Variants in RUNX2 observed in about 807,000 individuals in gnomAD.
RUNX2 encodes the protein RUNX family transcription factor 2.
In RUNX2, 10 loss-of-function variants were observed where a neutral mutation model predicts 51.7. The ratio of observed to expected loss-of-function variants is 0.19; its 90% CI spans 0.12 to 0.33. The LOEUF is 0.33. Ranked by LOEUF, RUNX2 falls within the 10% of genes least tolerant of loss-of-function variation. RUNX2 has a pLI of 1.00. For synonymous variants in RUNX2, 276 were observed against 273.6 expected (o/e 1.01, Z -0.09); for missense variants, 562 against 691.3 (o/e 0.81, Z 2.10).
intron 2 of RUNX2, among the ~76,000 whole-genome samples, chr6:45,382,660 G>A (rs1192433706): frequency 6.6e-6 from 1 of 152,198 alleles, no homozygotes; most frequent in Non-Finnish European, 1.5e-5. Flanking sequence ...TGTGATATGA[G>A]GTCAGAGAAG....
intron 2 of RUNX2, among the ~76,000 whole-genome samples, chr6:45,420,080 G>A (rs936297346): frequency 6.6e-6 from 1 of 152,114 alleles, no homozygotes; most frequent in South Asian, 2.1e-4. Flanking sequence ...GAAGGACAGA[G>A]TAGTATCCCC....
intron 5 of RUNX2, among the ~76,000 whole-genome samples, chr6:45,465,780 C>T (rs1799612024): frequency 6.6e-6 from 1 of 151,116 alleles, no homozygotes; most frequent in Non-Finnish European, 1.5e-5. Flanking sequence ...GGACTACAGG[C>T]ACATACCACC....
chr6:45,468,710 G>T lies in RUNX2; in HGVS notation c.686-23231G>T, dbSNP rs150357069. 9.6e-4 allele frequency among the ~76,000 whole-genome samples: 146 copies of T among 152,186 alleles called. 2 individuals carry two copies. In the East Asian group the frequency reaches 0.023, roughly 24 times the overall value. Reference sequence around the variant, plus strand: ...TAACCAGATTTTTTTTCACCTACTTGAATGTCTGGTGTATGTCCCAAAAGT... The same window carrying T: ...TAACCAGATTTTTTTTCACCTACTTTAATGTCTGGTGTATGTCCCAAAAGT... On this transcript the variant is annotated intron_variant, in intron 5 of 8. Coordinates refer to ENST00000647337, the MANE Select transcript of RUNX2 (RefSeq NM_001024630.4).
chr6:45,345,630 C>T (rs765623668), intron 2 of RUNX2, among the ~76,000 whole-genome samples: 6 of 152,178 alleles, frequency 3.9e-5, no homozygotes, highest in Non-Finnish European at 8.8e-5. Context: ...ATATCACTTA[C>T]ACTTGCTTGC....
chr6:45,507,267 A>G (rs1563116154), intron 6 of RUNX2, among the ~76,000 whole-genome samples: 1 of 152,110 alleles, frequency 6.6e-6, no homozygotes, highest in Non-Finnish European at 1.5e-5. Context: ...GGCTGAGATA[A>G]AGACAGTTTC....
chr6:45,493,452 A>G (rs1800546679), intron 6 of RUNX2, among the ~76,000 whole-genome samples: 1 of 152,132 alleles, frequency 6.6e-6, no homozygotes. Context: ...GCTTGTAGCT[A>G]TGGGTGCTGC....
chr6:45,431,796 G>T (rs2150368119), intron 3 of RUNX2, 67 bp from the exon 4 acceptor site: 1 of 1,540,072 alleles, frequency 6.5e-7, no homozygotes, highest in Middle Eastern at 1.9e-4. Context: ...TTTGCAATGA[G>T]AATATATTCT....
intron 2 of RUNX2, among the ~76,000 whole-genome samples, chr6:45,380,453 G>GT (rs1797212600): frequency 6.6e-6 from 1 of 152,242 alleles, no homozygotes; most frequent in Non-Finnish European, 1.5e-5. Context: ...GAAAGTGCAT[G>GT]TATCTAAGTA....
chr6:45,458,934 G>A (rs915378284), intron 5 of RUNX2, among the ~76,000 whole-genome samples: 8 of 152,194 alleles, frequency 5.3e-5, no homozygotes, highest in African/African-American at 1.4e-4. Flanking sequence ...ACAGAAATGC[G>A]TAGCTGTATT....
At chr6:45,349,542 C>G (rs537493581) in intron 2 of RUNX2, among the ~76,000 whole-genome samples, 2 of 152,256 alleles carry the variant, frequency 1.3e-5, no homozygotes, top group African/African-American at 4.8e-5. Context: ...ATCAGAAAGG[C>G]TGGAGGTGAG....
At chr6:45,399,567 T>C (rs889588801) in intron 2 of RUNX2, among the ~76,000 whole-genome samples, 1 of 151,372 alleles carries the variant, frequency 6.6e-6, no homozygotes, top group Non-Finnish European at 1.5e-5. Context: ...ACCATGTTGG[T>C]CAGGGTAGTC....
chr6:45,531,338 C>T (rs1801833807), intron 7 of RUNX2, among the ~76,000 whole-genome samples: 1 of 151,946 alleles, frequency 6.6e-6, no homozygotes, highest in Non-Finnish European at 1.5e-5. Flanking sequence ...TCAGAGAACC[C>T]AAAATAAAGT....
chr6:45,516,757 G>T (rs1448645701), intron 7 of RUNX2, among the ~76,000 whole-genome samples: 1 of 152,216 alleles, frequency 6.6e-6, no homozygotes, highest in Non-Finnish European at 1.5e-5. Context: ...GATCTTCAAA[G>T]CACTTGTGAG....
intron 3 of RUNX2, among the ~76,000 whole-genome samples, chr6:45,425,958 G>T (rs1480388596): frequency 6.6e-6 from 1 of 152,006 alleles, no homozygotes; most frequent in Non-Finnish European, 1.5e-5. Context: ...AATATTTATT[G>T]AGCCCGTATT....
Position 45,507,786 on chromosome 6 carries a change from C to T in RUNX2, c.860-4460C>T, listed in dbSNP as rs373748264. On this transcript the variant is annotated intron_variant, in intron 6 of 8. Coordinates refer to ENST00000647337, the MANE Select transcript of RUNX2 (RefSeq NM_001024630.4). ...TATATGCTCCAAATTGTGAACTACA[C>T]GGTACAGGAAGCTCTCCTAAAAATT... is the stretch of plus-strand genomic sequence containing the variant. Among the ~76,000 whole-genome samples, 82 of 152,234 alleles carry T rather than the reference C, an allele frequency of 5.4e-4. 1 individual carries two copies. The South Asian group carries it at 0.014, about 27-fold the overall frequency.
chr6:45,410,548 A>G (rs143811351), intron 2 of RUNX2, among the ~76,000 whole-genome samples: 1 of 152,188 alleles, frequency 6.6e-6, no homozygotes, highest in African/African-American at 2.4e-5. Flanking sequence ...TGTGGGGGCT[A>G]TCTAGGGATA....
chr6:45,344,912 A>T (rs1485893934), intron 2 of RUNX2, among the ~76,000 whole-genome samples: 1 of 152,188 alleles, frequency 6.6e-6, no homozygotes, highest in Non-Finnish European at 1.5e-5. Context: ...ACTCTTTACA[A>T]GCAGGATAGT....
chr6:45,363,502 C>A (rs1259114310), intron 2 of RUNX2, among the ~76,000 whole-genome samples: 2 of 151,912 alleles, frequency 1.3e-5, no homozygotes, highest in African/African-American at 2.4e-5. Context: ...TTTGAAAATT[C>A]CCAAATTAAA....
chr6:45,342,036 C>T (rs998258185), intron 2 of RUNX2, among the ~76,000 whole-genome samples: 5 of 150,908 alleles, frequency 3.3e-5, no homozygotes, highest in African/African-American at 1.2e-4. Context: ...AAAATATGGG[C>T]AAGTTGAAGA....
Sources: allele counts gnomAD v4.1 joint callset (sites outside exome capture counted in the v4.1 genomes callset), GRCh38; gene constraint gnomAD v4.1.1; transcripts MANE v1.5; gene names NCBI Gene and HGNC (gene_info 2026-07-23, HGNC 2026-07-21).